AGBL1: variants seen among roughly 807,000 people sequenced by gnomAD.
AGBL1 encodes the protein AGBL carboxypeptidase 1.
A neutral mutation model predicts 118.9 loss-of-function variants in AGBL1; 130 were observed. That is an observed-to-expected ratio of 1.09 (90% CI 0.95 to 1.26). The LOEUF (loss-of-function observed/expected upper bound fraction) is 1.26. AGBL1 is among the 50% of genes most tolerant of loss of function. The probability of loss-of-function intolerance (pLI) is 0.00; values close to 1 mark genes in which losing one functional copy is unlikely to be tolerated. For synonymous variants in AGBL1, 555 were observed against 478.9 expected (o/e 1.16, Z -2.08); for missense variants, 1,584 against 1,298.1 (o/e 1.22, Z -3.38).
chr15:86,494,465 C>G (rs145447203), intron 18 of AGBL1, among the ~76,000 whole-genome samples: 1 of 151,976 alleles, frequency 6.6e-6, no homozygotes, highest in Non-Finnish European at 1.5e-5. Flanking sequence ...CTCACTGGCT[C>G]TTCCCATGCT....
At chr15:86,997,616 T>C (rs1319989333) in intron 24 of AGBL1, among the ~76,000 whole-genome samples, 1 of 152,140 alleles carries the variant, frequency 6.6e-6, no homozygotes, top group African/African-American at 2.4e-5. Flanking sequence ...CCTCTAGGCC[T>C]AGAGTCTATG....
intron 18 of AGBL1, among the ~76,000 whole-genome samples, chr15:86,443,994 G>T (rs2082093630): frequency 6.6e-6 from 1 of 152,152 alleles, no homozygotes; most frequent in South Asian, 2.1e-4. Context: ...TGGATCATAT[G>T]ATAGATTTGT....
At chr15:86,501,007 A>G (rs1256610912) in intron 18 of AGBL1, among the ~76,000 whole-genome samples, 2 of 151,694 alleles carry the variant, frequency 1.3e-5, no homozygotes, top group Non-Finnish European at 3.0e-5. Context: ...TCTCTTGGAT[A>G]TATATCCAGG....
chr15:86,081,956 CAAAG>C (rs1895315740), intron 1 of AGBL1, among the ~76,000 whole-genome samples: 1 of 152,136 alleles, frequency 6.6e-6, no homozygotes, highest in South Asian at 2.1e-4. Context: ...TCCCAATTAT[CAAAG>C]AAAGATTTAA....
chr15:86,203,269 G>A (rs1457329977), intron 5 of AGBL1, among the ~76,000 whole-genome samples: 1 of 152,134 alleles, frequency 6.6e-6, no homozygotes, highest in Non-Finnish European at 1.5e-5. Context: ...ATTTTCAAGA[G>A]CCTGAGAGCT....
intron 21 of AGBL1, among the ~76,000 whole-genome samples, chr15:86,591,136 G>C (rs2084328732): frequency 6.6e-6 from 1 of 152,118 alleles, no homozygotes; most frequent in Middle Eastern, 3.2e-3. Flanking sequence ...CCCTCAATTT[G>C]TGTGATTGTT....
At chr15:86,198,929 A>G in intron 5 of AGBL1, among the ~76,000 whole-genome samples, 1 of 152,188 alleles carries the variant, frequency 6.6e-6, no homozygotes, top group East Asian at 1.9e-4. Flanking sequence ...AAATTAAAGT[A>G]AAACAGAAGT....
At chr15:86,202,003 TG>T (rs1322959588) in intron 5 of AGBL1, among the ~76,000 whole-genome samples, 1 of 152,110 alleles carries the variant, frequency 6.6e-6, no homozygotes, top group Non-Finnish European at 1.5e-5. Flanking sequence ...AAACCCTGTG[TG>T]GCCAGGCATG....
intron 22 of AGBL1, among the ~76,000 whole-genome samples, chr15:86,801,517 C>T (rs990161604): frequency 3.3e-5 from 5 of 151,972 alleles, no homozygotes; most frequent in African/African-American, 4.8e-5. Context: ...ACTTTATTTC[C>T]GTTTGTGGGA....
intron 5 of AGBL1, among the ~76,000 whole-genome samples, chr15:86,222,353 T>C (rs1437290984): frequency 6.6e-6 from 1 of 152,136 alleles, no homozygotes; most frequent in Non-Finnish European, 1.5e-5. Context: ...CTGCAACTTC[T>C]CTTCTTAGTC....
chr15:86,231,492 C>T (rs2078454248), intron 6 of AGBL1, among the ~76,000 whole-genome samples: 1 of 152,176 alleles, frequency 6.6e-6, no homozygotes, highest in Non-Finnish European at 1.5e-5. Context: ...TAGATTTTTG[C>T]ATTTGTTACA....
At chr15:86,971,794 T>A (rs182536320) in intron 23 of AGBL1, among the ~76,000 whole-genome samples, 61 of 152,030 alleles carry the variant, frequency 4.0e-4, no homozygotes, top group African/African-American at 1.4e-3. Context: ...GTAATCCCCA[T>A]AATCCCCATA....
At chr15:86,321,084 G>C (rs2080097768) in intron 17 of AGBL1, among the ~76,000 whole-genome samples, 1 of 151,862 alleles carries the variant, frequency 6.6e-6, no homozygotes, top group Non-Finnish European at 1.5e-5. Context: ...GTCTCCTTTT[G>C]GTATCAAGGT....
At chr15:86,265,152 T>C (rs2079052755) in intron 11 of AGBL1, among the ~76,000 whole-genome samples, 2 of 152,258 alleles carry the variant, frequency 1.3e-5, no homozygotes, top group Admixed American at 6.5e-5. Context: ...TTCCAAATAC[T>C]GGGCTCCTTC....
At chr15:86,123,354 C>G (rs1253135832) in intron 1 of AGBL1, among the ~76,000 whole-genome samples, 1 of 152,206 alleles carries the variant, frequency 6.6e-6, no homozygotes, top group Non-Finnish European at 1.5e-5. Flanking sequence ...ATTCTCCTGC[C>G]TCAGCCTCCT....
intron 1 of AGBL1, among the ~76,000 whole-genome samples, chr15:86,106,232 A>AGATGT (rs1276390848): frequency 1.3e-5 from 2 of 152,210 alleles, no homozygotes; most frequent in African/African-American, 4.8e-5. Context: ...GGTCTTTGTA[A>AGATGT]GATGTGATCC....
chr15:86,958,595 GC>G (rs924307041), intron 23 of AGBL1, among the ~76,000 whole-genome samples: 1 of 152,126 alleles, frequency 6.6e-6, no homozygotes, highest in African/African-American at 2.4e-5. Context: ...AGATTTCTGT[GC>G]TATACACATA....
intron 24 of AGBL1, among the ~76,000 whole-genome samples, chr15:86,990,658 A>G (rs1425753528): frequency 1.3e-5 from 2 of 152,240 alleles, no homozygotes; most frequent in African/African-American, 2.4e-5. Context: ...TTCAACAGGT[A>G]GATACTATTA....
chr15:86,697,570 T>G (rs1029632704), intron 22 of AGBL1, among the ~76,000 whole-genome samples: 5 of 151,802 alleles, frequency 3.3e-5, no homozygotes, highest in African/African-American at 1.2e-4. Flanking sequence ...ATTAGCTTGA[T>G]AATCAACCTT....
Sources: allele counts gnomAD v4.1 joint callset (sites outside exome capture counted in the v4.1 genomes callset), GRCh38; gene constraint gnomAD v4.1.1; transcripts MANE v1.5; gene names NCBI Gene and HGNC (gene_info 2026-07-23, HGNC 2026-07-21).